CFAP221: variants seen among roughly 807,000 people sequenced by gnomAD.
CFAP221 encodes cilia- and flagella-associated protein 221.
A neutral mutation model predicts 113.1 loss-of-function variants in CFAP221; 97 were observed. The observed-to-expected ratio is 0.86, with a 90% confidence interval of 0.73 to 1.02. The LOEUF is 1.02. Among genes scored for constraint, CFAP221 ranks in the 50% least tolerant of loss-of-function variants. The pLI is 0.00. For missense variants in CFAP221, 1,025 were observed against 1,013.4 expected (o/e 1.01, Z -0.16); for synonymous variants, 331 against 354.4 (o/e 0.93, Z 0.74).
At chr2:119,586,947 T>C in intron 6 of CFAP221, 172 bp from the exon 7 acceptor site, 1 of 477,850 alleles carries the variant, frequency 2.1e-6, no homozygotes, top group Non-Finnish European at 3.6e-6. Context: ...AGGATTAAAA[T>C]AGTTAATACA....
intron 14 of CFAP221, among the ~76,000 whole-genome samples, chr2:119,621,867 C>T (rs1200213702): frequency 1.3e-5 from 2 of 152,170 alleles, no homozygotes; most frequent in Non-Finnish European, 2.9e-5. Context: ...ATACCAGAAT[C>T]TCTGGGACAC....
intron 7 of CFAP221, among the ~76,000 whole-genome samples, chr2:119,594,753 G>T (rs760355687): frequency 6.6e-6 from 1 of 152,190 alleles, no homozygotes; most frequent in Non-Finnish European, 1.5e-5. Context: ...TGCTTACCAT[G>T]TGCCAGACAC....
At position 119,560,029 on chromosome 2, in the gene CFAP221, A is replaced by AG. The variant is rs2104536419; in HGVS notation, c.426+5dup. 9.1e-7 allele frequency: 1 copy of AG among 1,101,696 alleles called. No individual in the cohort carries two copies. Among genetic ancestry groups the AG allele is most frequent in the African/African-American group, 1.7e-5 (1 of 60,590 alleles). 68.2% of individuals were successfully genotyped at this position (1,101,696 alleles called of 1,614,324 possible). A position where few individuals can be genotyped will look rare whatever the true frequency, so the allele number is the denominator to read the frequency against. ...ACTGCATCCGTGTTCACTGTAAGGT[A>AG]GGTCTCTTAAAATTGCTTTTTTTTT... On this transcript the variant is annotated splice_donor_region_variant and intron_variant, in intron 5 of 23. Coordinates refer to ENST00000413369, the MANE Select transcript of CFAP221 (RefSeq NM_001271049.2).
downstream of CFAP221, among the ~76,000 whole-genome samples, chr2:119,659,880 G>T (rs1311606171): frequency 6.6e-6 from 1 of 152,178 alleles, no homozygotes; most frequent in Non-Finnish European, 1.5e-5. Context: ...GAGAGGAAGG[G>T]CCCAGGCAAT....
chr2:119,592,523 A>T (rs1683670065), intron 7 of CFAP221, among the ~76,000 whole-genome samples: 1 of 152,166 alleles, frequency 6.6e-6, no homozygotes, highest in Admixed American at 6.5e-5. Context: ...TGTGACCATG[A>T]ATGCTGTAGC....
At chr2:119,554,406 G>A (rs1042758062) in intron 3 of CFAP221, among the ~76,000 whole-genome samples, 7 of 152,154 alleles carry the variant, frequency 4.6e-5, no homozygotes, top group African/African-American at 1.7e-4. Flanking sequence ...TTTTACCTTT[G>A]TGGAGTGATT....
chr2:119,585,814 C>G (rs1190292330), intron 6 of CFAP221, among the ~76,000 whole-genome samples: 1 of 152,078 alleles, frequency 6.6e-6, no homozygotes, highest in Non-Finnish European at 1.5e-5. Context: ...CACTGGAGAC[C>G]CAAATGGACT....
chr2:119,572,453 A>G, intron 6 of CFAP221: 1 of 620,452 alleles, frequency 1.6e-6, no homozygotes, highest in South Asian at 1.9e-5. Flanking sequence ...GTAAATATGG[A>G]TATGCTTATA....
chr2:119,590,471 G>T (rs1378639313), intron 7 of CFAP221, among the ~76,000 whole-genome samples: 1 of 152,122 alleles, frequency 6.6e-6, no homozygotes, highest in African/African-American at 2.4e-5. Flanking sequence ...ACTGTACCCT[G>T]CCTGTTGAGG....
chr2:119,638,358 A>G lies in CFAP221; in HGVS notation c.2074A>G (p.Lys692Glu). Residue 692 changes from lysine (K) to glutamate (E), a missense_variant, in exon 20 of 24, where the codon AAA becomes GAA. By Grantham distance (56) the Lys-to-Glu change is moderately conservative. Coordinates refer to ENST00000413369, the MANE Select transcript of CFAP221 (RefSeq NM_001271049.2). ...CTCTCACCCCAAGTACAAATTCACC[A>G]AAGAGTCCCGCCACGGGTCCAGCAT... is the stretch of plus-strand genomic sequence containing the variant. Reference protein sequence around the residue: ...LCSHPKYKFTKESRHGSSIPV... With the variant: ...LCSHPKYKFTEESRHGSSIPV... The G allele has an allele frequency of 1.2e-6, 2 of 1,614,178 alleles. No homozygotes were observed. The highest frequency in any genetic ancestry group is 1.7e-6 in the Non-Finnish European group (2 of 1,180,016).
chr2:119,551,362 G>C (rs150433089), intron 3 of CFAP221, among the ~76,000 whole-genome samples: 76 of 152,310 alleles, frequency 5.0e-4, no homozygotes, highest in African/African-American at 1.8e-3. Context: ...AAGTCATAAA[G>C]ACTTACTCCT....
rs147638603 is a variant in CFAP221, at chr2:119,594,677, T to C, written c.632-6541T>C. On this transcript the variant is annotated intron_variant, in intron 7 of 23. Coordinates refer to ENST00000413369, the MANE Select transcript of CFAP221 (RefSeq NM_001271049.2). Reference sequence around the variant, plus strand: ...GCACTCTACTCAATGTTGAATACAGTCTGCCACCAGCAAAAGAATAATGTG... The same window carrying C: ...GCACTCTACTCAATGTTGAATACAGCCTGCCACCAGCAAAAGAATAATGTG... Among the ~76,000 whole-genome samples the C allele has an allele frequency of 9.0e-4, 137 of 152,344 alleles. 2 individuals carry two copies. The highest frequency in any genetic ancestry group is 3.1e-3 in the African/African-American group (129 of 41,588).
In CFAP221 at chr2:119,559,671, C is replaced by T; in HGVS notation, c.241-18C>T. 1 of 1,501,042 alleles carries T rather than the reference C, an allele frequency of 6.7e-7. No individual in the cohort carries two copies. The highest frequency in any genetic ancestry group is 9.0e-7 in the Non-Finnish European group (1 of 1,115,146). The allele number at this position is 1,501,042 out of a possible 1,614,324, so 93.0% of individuals were successfully genotyped here. On this transcript the variant is annotated intron_variant, in intron 3 of 23. Transcript: ENST00000413369. ...TAAAGCCGTGTATTTCCTCTAAATA[C>T]TTCTTTTTCTCTCCCAGCATCTGGT...
intron 14 of CFAP221, among the ~76,000 whole-genome samples, chr2:119,625,113 A>G (rs1193242981): frequency 6.6e-6 from 1 of 152,162 alleles, no homozygotes; most frequent in Non-Finnish European, 1.5e-5. Context: ...GGGCTCAGGT[A>G]GCACTCACCT....
chr2:119,595,806 C>T (rs1016845503), intron 7 of CFAP221, among the ~76,000 whole-genome samples: 1 of 151,878 alleles, frequency 6.6e-6, no homozygotes, highest in African/African-American at 2.4e-5. Context: ...ACTTGGTGGT[C>T]GAGAAGAGCT....
chr2:119,605,434 A>C, intron 11 of CFAP221, 145 bp downstream of exon 11: 1 of 680,766 alleles, frequency 1.5e-6, no homozygotes. Flanking sequence ...GTGGTCCTTC[A>C]GTAGGAAGTT....
intron 6 of CFAP221, among the ~76,000 whole-genome samples, chr2:119,568,911 C>T (rs879417564): frequency 2.1e-4 from 32 of 152,174 alleles, no homozygotes; most frequent in Non-Finnish European, 4.1e-4. Flanking sequence ...TTCCCTTGGT[C>T]ATTTTTGTCC....
chr2:119,579,258 A>G (rs1417932033), intron 6 of CFAP221, among the ~76,000 whole-genome samples: 6 of 152,056 alleles, frequency 3.9e-5, no homozygotes, highest in African/African-American at 1.4e-4. Context: ...GCTCTAATTC[A>G]GTATCCTACT....
intron 14 of CFAP221, among the ~76,000 whole-genome samples, chr2:119,622,628 T>C (rs566995204): frequency 6.6e-6 from 1 of 152,182 alleles, no homozygotes; most frequent in Non-Finnish European, 1.5e-5. Flanking sequence ...AATAAAATAC[T>C]GGCAAACCAA....
Sources: gnomAD v4.1 joint callset for allele counts (sites outside exome capture counted in the v4.1 genomes callset) on GRCh38, gnomAD v4.1.1 for gene constraint, MANE v1.5 for transcripts, NCBI Gene and HGNC (gene_info 2026-07-23, HGNC 2026-07-21) for gene names.